Variants in MAD2L2 observed in about 807,000 individuals in gnomAD.
MAD2L2 encodes the protein mitotic arrest deficient 2 like 2.
In MAD2L2, 17 loss-of-function variants were observed where a neutral mutation model predicts 30.5. The observed-to-expected ratio is 0.56, with a 90% confidence interval of 0.38 to 0.84. MAD2L2 has a LOEUF of 0.84. Among genes scored for constraint, MAD2L2 ranks in the 40% least tolerant of loss-of-function variants. The probability of loss-of-function intolerance (pLI) is 0.00; values close to 1 mark genes in which losing one functional copy is unlikely to be tolerated. For missense variants in MAD2L2, 213 were observed against 277.4 expected (o/e 0.77, Z 1.65); for synonymous variants, 101 against 113.9 (o/e 0.89, Z 0.72).
intron 6 of MAD2L2, 47 bp downstream of exon 6, chr1:11,675,999 A>T: frequency 6.6e-7 from 1 of 1,515,416 alleles, no homozygotes. Flanking sequence ...CCAACCCGAG[A>T]TAACCATGGA....
chr1:11,682,360 G>A (rs1640892625), upstream of MAD2L2, among the ~76,000 whole-genome samples: 1 of 152,218 alleles, frequency 6.6e-6, no homozygotes, highest in Non-Finnish European at 1.5e-5. Context: ...AGGGACGTAA[G>A]AGCTTGTTAG....
In MAD2L2 at chr1:11,688,560, CAA is replaced by C. The variant is rs35208427; in HGVS notation, c.-692+2851_-692+2852del. Among the ~76,000 whole-genome samples the C allele has an allele frequency of 1.4e-4, 21 of 147,048 alleles. No individual in the cohort carries two copies. The highest frequency in any genetic ancestry group is 1.7e-4 in the African/African-American group (7 of 40,288). On this transcript the variant is annotated intron_variant, in intron 1 of 10. Coordinates refer to the MAD2L2 transcript ENST00000235310. The surrounding 1 kb of genome is among the most constrained non-coding windows in gnomAD (Gnocchi z 4.6). ...TGGACAACAGAGCAAGACTGCATCT[CAA>C]AAAAAAAAAAGAAAAAGCAATCAGC...
rs564425494 is a variant in MAD2L2, at chr1:11,691,244, C to T, written c.-692+169G>A. ...CCCCGGGCCCCTGCCCTGACAGACG[C>T]GGCCGCAGCTGAGCGCGCAGCCTCG... On this transcript the variant is annotated intron_variant, in intron 1 of 10. Transcript: ENST00000235310. Among the ~76,000 whole-genome samples the T allele has an allele frequency of 1.7e-4, 26 of 152,184 alleles. No individual in the cohort carries two copies. In the South Asian group the frequency reaches 3.9e-3, roughly 23 times the overall value.
intron 4 of MAD2L2, 91 bp downstream of exon 4, chr1:11,677,452 A>T: frequency 7.9e-7 from 1 of 1,266,238 alleles, no homozygotes; most frequent in Non-Finnish European, 1.2e-6. Flanking sequence ...ACAGAGTCCT[A>T]GCTTCACCCC....
chr1:11,675,241 C>T, intron 7 of MAD2L2, 67 bp from the exon 8 acceptor site: 2 of 1,111,236 alleles, frequency 1.8e-6, no homozygotes, highest in African/African-American at 1.6e-5. Flanking sequence ...CTTTGCTGTC[C>T]CTCCCACTCC....
rs779016176 is a variant in MAD2L2 at position 11,675,123 on chromosome 1, G to A, written c.553C>T (p.Arg185Trp). The A allele has an allele frequency of 2.7e-5, 43 of 1,603,388 alleles. No individual in the cohort carries two copies. Among genetic ancestry groups the A allele is most frequent in the Non-Finnish European group, 3.3e-5 (39 of 1,174,840 alleles). The change falls in exon 8 of 9, where the codon CGG becomes TGG. Residue 185 changes from arginine to tryptophan, a missense_variant. Coordinates refer to ENST00000376692, the MANE Select transcript of MAD2L2 (RefSeq NM_006341.4). The part of the protein sequence containing the change: ...DEQDVHMHDP[R>W]LIPLKTMTSD... ...GTCATGGTTTTTAGTGGTATCAGCC[G>A]GGGGTCATGCATGTGGACATCCTGC...
At position 11,680,613 on chromosome 1, in the gene MAD2L2, C is replaced by A; in HGVS notation, c.-12G>T. 1 of 1,559,342 alleles carries A rather than the reference C, an allele frequency of 6.4e-7. No homozygotes were observed. The highest frequency in any genetic ancestry group is 8.7e-7 in the Non-Finnish European group (1 of 1,149,728). The stretch of plus-strand genomic sequence containing the variant: ...GTGAGCGTGGTCATCCTTCCCGCTA[C>A]CTGAGTGTTGGGGCAAGGGCAGAGG... On this transcript the variant is annotated splice_region_variant and 5_prime_UTR_variant, in exon 2 of 9. Coordinates refer to ENST00000376692, the MANE Select transcript of MAD2L2 (RefSeq NM_006341.4).
intron 7 of MAD2L2, 21 bp from the exon 8 acceptor site, chr1:11,675,195 A>G (rs1557677550): frequency 1.3e-6 from 2 of 1,547,972 alleles, no homozygotes; most frequent in South Asian, 1.2e-5. Flanking sequence ...GACAAAGGTC[A>G]GGGGGGTGAC....
rs1202037881 is a variant in MAD2L2 at position 11,687,459 on chromosome 1, C to T, written c.-692+3954G>A. ...TTTGCCATATTGGCCAGGCTGGTCT[C>T]GAACTCCTGACCTCAGGTGACCCAC... On this transcript the variant is annotated intron_variant, in intron 1 of 10. Coordinates refer to the MAD2L2 transcript ENST00000235310. The surrounding 1 kb of genome is among the most constrained non-coding windows in gnomAD (Gnocchi z 4.1). Among the ~76,000 whole-genome samples, 9 of 152,152 alleles carry T rather than the reference C, an allele frequency of 5.9e-5. No homozygotes were observed. The highest frequency in any genetic ancestry group is 4.6e-4 in the Admixed American group (7 of 15,270).
rs1306209749 is a variant in MAD2L2 at position 11,690,147 on chromosome 1, T to C, written c.-692+1266A>G. ...GCACTAATCACCACCTGACATCATTTATATTTATTTGTTCACTTATCTTCT... is the reference window on the plus strand; with the variant it reads ...GCACTAATCACCACCTGACATCATTCATATTTATTTGTTCACTTATCTTCT... On this transcript the variant is annotated intron_variant, in intron 1 of 10. Transcript: ENST00000235310. This position sits in a 1 kb window ranked among gnomAD's most constrained non-coding sequence, Gnocchi z 4.2. Among the ~76,000 whole-genome samples, 2 of 152,140 alleles carry C rather than the reference T, an allele frequency of 1.3e-5. No individual in the cohort carries two copies. Among genetic ancestry groups the C allele is most frequent in the Admixed American group, 6.6e-5 (1 of 15,266 alleles).
chr1:11,676,260 C>CCCAG, intron 5 of MAD2L2, 120 bp from the exon 6 acceptor site: 1 of 631,716 alleles, frequency 1.6e-6, no homozygotes, highest in Non-Finnish European at 2.8e-6. Context: ...GTGCTGCATG[C>CCCAG]CTAGGACCCA....
intron 5 of MAD2L2, 112 bp downstream of exon 5, chr1:11,676,736 T>A (rs1026517356): frequency 1.2e-6 from 1 of 813,008 alleles, no homozygotes; most frequent in African/African-American, 1.7e-5. Flanking sequence ...CTTCTTGCCC[T>A]TTCTCCTCCC....
intron 2 of MAD2L2, 27 bp downstream of exon 2, chr1:11,680,535 C>T: frequency 1.2e-6 from 2 of 1,609,642 alleles, no homozygotes; most frequent in South Asian, 2.2e-5. Context: ...GCCCCCGCCC[C>T]CGGGCCCGCA....
intron 4 of MAD2L2, 35 bp from the exon 5 acceptor site, chr1:11,676,983 C>A: frequency 6.6e-7 from 1 of 1,520,146 alleles, no homozygotes; most frequent in South Asian, 1.1e-5. Context: ...CAGAGCCAGG[C>A]ACCCCACCCC....
In MAD2L2 at chr1:11,676,140, G is replaced by A; in HGVS notation, c.333C>T (p.Ser111=). The A allele has an allele frequency of 1.9e-5, 31 of 1,591,206 alleles. No homozygotes were observed. The highest frequency in any genetic ancestry group is 2.7e-5 in the Non-Finnish European group (31 of 1,165,790). The change falls in exon 6 of 9, where the codon AGC becomes AGT. Residue 111 remains serine, a splice_region_variant and synonymous_variant. Transcript: ENST00000376692. ...CCACATGAGACAACAGCGAGTCTGAGCTGGGAGTGAGAGGAGGTCTTCCCA... is the reference window on the plus strand; with the variant it reads ...CCACATGAGACAACAGCGAGTCTGAACTGGGAGTGAGAGGAGGTCTTCCCA... The part of the protein sequence containing the change: ...EITQPPLLSI[S]SDSLLSHVEQ...
intron 1 of MAD2L2, among the ~76,000 whole-genome samples, chr1:11,686,358 C>T (rs1172194376): frequency 6.6e-6 from 1 of 152,226 alleles, no homozygotes; most frequent in Non-Finnish European, 1.5e-5. Flanking sequence ...AAAGCCCTCA[C>T]CTGCCATTCC....
chr1:11,675,995 C>G, intron 6 of MAD2L2, 51 bp downstream of exon 6: 1 of 1,501,062 alleles, frequency 6.7e-7, no homozygotes, highest in Non-Finnish European at 9.3e-7. Context: ...CAGACCAACC[C>G]GAGATAACCA....
At chr1:11,679,629 C>T (rs1194612902) in intron 3 of MAD2L2, among the ~76,000 whole-genome samples, 2 of 150,964 alleles carry the variant, frequency 1.3e-5, no homozygotes, top group Non-Finnish European at 2.9e-5. Flanking sequence ...CGGGTTCAAG[C>T]GAGTCTCCTG....
At chr1:11,680,935 G>T in intron 1 of MAD2L2, 104 bp downstream of exon 1, 1 of 335,614 alleles carries the variant, frequency 3.0e-6, no homozygotes, top group Non-Finnish European at 4.8e-6. Context: ...GGAGCGCAAA[G>T]CGGGACATGC....
Sources: allele counts gnomAD v4.1 joint callset (sites outside exome capture counted in the v4.1 genomes callset), GRCh38; gene constraint gnomAD v4.1.1; non-coding constraint Gnocchi (gnomAD v3.1); transcripts MANE v1.5; gene names NCBI Gene and HGNC (gene_info 2026-07-23, HGNC 2026-07-21).